Variants in ARHGEF7 observed in about 807,000 individuals in gnomAD.
ARHGEF7 encodes the protein Rho guanine nucleotide exchange factor 7.
ARHGEF7 carries 33 observed loss-of-function variants against 109.8 expected under a neutral mutation model. The ratio of observed to expected loss-of-function variants is 0.30; its 90% CI spans 0.23 to 0.40. The LOEUF is 0.40. ARHGEF7 is among the 10% of genes least tolerant of loss of function. ARHGEF7 has a pLI of 1.00. For missense variants in ARHGEF7, 938 were observed against 1,098.5 expected, an observed-to-expected ratio of 0.85 and a Z score of 2.07; for synonymous variants, 458 against 424.6, an observed-to-expected ratio of 1.08 and a Z score of -0.97.
rs116756791 is a variant in ARHGEF7, at chr13:111,232,585, C to T, written c.671-620C>T. ...GTGTTGAATGGATGTGGAGTGAAAG[C>T]GGTGCTGTTTTAAAACATCAGAATC... On this transcript the variant is annotated intron_variant, in intron 5 of 21. Coordinates refer to ENST00000646102, the MANE Select transcript of ARHGEF7 (RefSeq NM_001354046.2). 2.6e-3 allele frequency among the ~76,000 whole-genome samples: 397 copies of T among 152,306 alleles called. 1 individual carries two copies. The highest frequency in any genetic ancestry group is 9.1e-3 in the African/African-American group (380 of 41,552).
rs2090757388 is a variant in ARHGEF7, at chr13:111,258,813, TTTCGGGACCTGCTGTGGGC to T, written c.951-8733_951-8715del. Among the ~76,000 whole-genome samples, 1 of 152,158 alleles carries T rather than the reference TTTCGGGACCTGCTGTGGGC, an allele frequency of 6.6e-6. No individual in the cohort carries two copies. Among genetic ancestry groups the T allele is most frequent in the Non-Finnish European group, 1.5e-5 (1 of 68,016 alleles). On this transcript the variant is annotated intron_variant, in intron 8 of 21. Coordinates refer to ENST00000646102, the MANE Select transcript of ARHGEF7 (RefSeq NM_001354046.2). The surrounding 1 kb of genome is among the most constrained non-coding windows in gnomAD (Gnocchi z 4.4). ...TTCAGGCCTTGGCTGTTAGACATGA[TTTCGGGACCTGCTGTGGGC>T]TAGAAGGCAGCCCACTGCTCTGAAA...
At chr13:111,155,028 A>G (rs113981857) in intron 2 of ARHGEF7, among the ~76,000 whole-genome samples, 55 of 152,360 alleles carry the variant, frequency 3.6e-4, no homozygotes, top group African/African-American at 1.2e-3. Context: ...AATAAAAAAC[A>G]ACACAGTATA....
At chr13:111,123,049 C>T (rs1178145596) in intron 1 of ARHGEF7, among the ~76,000 whole-genome samples, 2 of 152,200 alleles carry the variant, frequency 1.3e-5, no homozygotes, top group African/African-American at 4.8e-5. Flanking sequence ...TTCTCCAACC[C>T]TCCCATGCCC....
chr13:111,139,387 T>G (rs1038752722), intron 1 of ARHGEF7, among the ~76,000 whole-genome samples: 1 of 152,218 alleles, frequency 6.6e-6, no homozygotes, highest in East Asian at 1.9e-4. Context: ...TCTGTATCTG[T>G]GACATCCTCT....
chr13:111,286,446 C>T (rs2153615850), intron 17 of ARHGEF7, among the ~76,000 whole-genome samples: 1 of 152,246 alleles, frequency 6.6e-6, no homozygotes, highest in African/African-American at 2.4e-5. Flanking sequence ...GTGAAGCCTC[C>T]GTGCCAGTCC....
chr13:111,198,737 C>T (rs2080868253), intron 2 of ARHGEF7, among the ~76,000 whole-genome samples: 1 of 152,168 alleles, frequency 6.6e-6, no homozygotes, highest in Non-Finnish European at 1.5e-5. Flanking sequence ...AACAAAGCTT[C>T]CACAGTGTGG....
intron 2 of ARHGEF7, among the ~76,000 whole-genome samples, chr13:111,187,693 C>T (rs1213054400): frequency 6.6e-6 from 1 of 152,220 alleles, no homozygotes; most frequent in Non-Finnish European, 1.5e-5. Context: ...AATTTCTACA[C>T]TTCCTATGAA....
At chr13:111,199,635 G>T (rs903158513) in intron 2 of ARHGEF7, among the ~76,000 whole-genome samples, 14 of 152,204 alleles carry the variant, frequency 9.2e-5, no homozygotes, top group Admixed American at 8.5e-4. Flanking sequence ...AATAATAAAT[G>T]TGGCTGCTTT....
rs145732000 is a variant in ARHGEF7 at position 111,115,525 on chromosome 13, C to A, written c.-2C>A. On this transcript the variant is annotated 5_prime_UTR_variant, in exon 1 of 22. Transcript: ENST00000646102. ...TCCCCGCCTGCCTCCCGGGCCGCAGCGATGAATTCCGCCGAGCAAACCGTT... is the reference window on the plus strand; with the variant it reads ...TCCCCGCCTGCCTCCCGGGCCGCAGAGATGAATTCCGCCGAGCAAACCGTT... 2,876 of 1,354,678 alleles carry A rather than the reference C, an allele frequency of 2.1e-3. 60 individuals are homozygous for A. The African/African-American group carries it at 0.041, about 19-fold the overall frequency. 83.9% of individuals were successfully genotyped at this position (1,354,678 alleles called of 1,614,324 possible). A position where few individuals can be genotyped will look rare whatever the true frequency, so the allele number is the denominator to read the frequency against.
intron 2 of ARHGEF7, among the ~76,000 whole-genome samples, chr13:111,179,550 A>G (rs2078535049): frequency 6.6e-6 from 1 of 152,222 alleles, no homozygotes; most frequent in Non-Finnish European, 1.5e-5. Context: ...GTGTTGCCGT[A>G]TGCTATATCC....
intron 8 of ARHGEF7, among the ~76,000 whole-genome samples, chr13:111,246,050 G>C (rs952991234): frequency 6.6e-6 from 1 of 152,190 alleles, no homozygotes. Context: ...AGGGACAGAG[G>C]CATGTTCTGA....
intron 2 of ARHGEF7, among the ~76,000 whole-genome samples, chr13:111,200,844 T>G (rs773789361): frequency 7.9e-5 from 12 of 152,226 alleles, no homozygotes; most frequent in South Asian, 4.1e-4. Context: ...AGAGCAGTCT[T>G]GTTTTCCATG....
Position 111,201,338 on chromosome 13 carries a change from TG to T in ARHGEF7, c.253-3950del, listed in dbSNP as rs774170536. On this transcript the variant is annotated intron_variant, in intron 2 of 21. Coordinates refer to ENST00000646102, the MANE Select transcript of ARHGEF7 (RefSeq NM_001354046.2). ...AGGGCAAGATAATTTTCCTAAACAG[TG>T]CCAGCTACAATTCAGCTTCCTAAGA... is the stretch of plus-strand genomic sequence containing the variant. Among the ~76,000 whole-genome samples the T allele has an allele frequency of 4.6e-5, 7 of 152,336 alleles. No homozygotes were observed. In the East Asian group the frequency reaches 9.6e-4, roughly 21 times the overall value.
chr13:111,117,746 G>A (rs1233532755), intron 1 of ARHGEF7, among the ~76,000 whole-genome samples: 3 of 148,752 alleles, frequency 2.0e-5, no homozygotes, highest in Admixed American at 6.7e-5. Context: ...TCCTTCCTTC[G>A]AGATGGGTTC....
chr13:111,176,244 A>T (rs964930376), intron 2 of ARHGEF7, among the ~76,000 whole-genome samples: 1 of 152,202 alleles, frequency 6.6e-6, no homozygotes, highest in Admixed American at 6.5e-5. Flanking sequence ...GAGGATTTTA[A>T]GCCTGATCTT....
chr13:111,274,779 A>G lies in ARHGEF7; in HGVS notation c.1261A>G (p.Lys421Glu), dbSNP rs757339752. ...TATTCAAAAATCCATGGCTGCCTTC[A>G]AAAACCTTTCAGTAAGTGATTAAGC... Reference protein sequence around the residue: ...QDIQKSMAAFKNLSAQCQEVR... With the variant: ...QDIQKSMAAFENLSAQCQEVR... Residue 421 changes from lysine (K) to glutamate (E), a missense_variant, in exon 11 of 22, where the codon AAA (lysine) becomes GAA (glutamate). This residue lies in a region of ARHGEF7 where 585 missense variants were observed against 723.6 expected (regional missense o/e 0.81). Coordinates refer to ENST00000646102, the MANE Select transcript of ARHGEF7 (RefSeq NM_001354046.2). 1 of 1,491,704 alleles carries G rather than the reference A, an allele frequency of 6.7e-7. No homozygotes were observed. 92.4% of individuals were successfully genotyped at this position (1,491,704 alleles called of 1,614,324 possible). A position where few individuals can be genotyped will look rare whatever the true frequency, so the allele number is the denominator to read the frequency against.
At chr13:111,229,648 C>A (rs1229029834) in intron 5 of ARHGEF7, among the ~76,000 whole-genome samples, 5 of 152,162 alleles carry the variant, frequency 3.3e-5, no homozygotes, top group Non-Finnish European at 7.3e-5. Flanking sequence ...CCTTCTGTGG[C>A]TGATACTGTT....
chr13:111,127,039 A>G (rs73633230), intron 1 of ARHGEF7, among the ~76,000 whole-genome samples: 1,610 of 152,322 alleles, frequency 0.011, 29 homozygotes, highest in African/African-American at 0.037. Context: ...TTGTGGACTG[A>G]TTAGGAAAAA....
At position 111,234,523 on chromosome 13, in the gene ARHGEF7, G is replaced by A. The variant is rs528157468; in HGVS notation, c.759+1230G>A. Among the ~76,000 whole-genome samples the A allele has an allele frequency of 6.6e-5, 10 of 152,276 alleles. No homozygotes were observed. In the South Asian group the frequency reaches 2.1e-3, roughly 32 times the overall value. ...TCGCTGAGCTCGCACTTGGGTACGG[G>A]AACACAATGGTCTTTTGTTGCCTCC... is the stretch of plus-strand genomic sequence containing the variant. On this transcript the variant is annotated intron_variant, in intron 6 of 21. Transcript: ENST00000646102.
Sources: gnomAD v4.1 joint callset for allele counts (sites outside exome capture counted in the v4.1 genomes callset) on GRCh38, gnomAD v4.1.1 for gene constraint, gnomAD v4.1.1 regional missense constraint, Gnocchi (gnomAD v3.1) non-coding constraint, MANE v1.5 for transcripts, NCBI Gene and HGNC (gene_info 2026-07-23, HGNC 2026-07-21) for gene names.